The following CEP170B variants were observed in gnomAD, a reference collection of about 807,000 sequenced individuals.
CEP170B encodes centrosomal protein 170B.
In CEP170B, 55 loss-of-function variants were observed where a neutral mutation model predicts 120.6. The ratio of observed to expected loss-of-function variants is 0.46; its 90% CI spans 0.37 to 0.57. The LOEUF (loss-of-function observed/expected upper bound fraction) is 0.57, where lower values mean the gene tolerates loss of function less well. Ranked by LOEUF, CEP170B falls within the 20% of genes least tolerant of loss-of-function variation. The pLI, the probability that CEP170B is intolerant of heterozygous loss-of-function variation, is 0.00. For synonymous variants in CEP170B, 1,033 were observed against 954.5 expected (o/e 1.08, Z -1.52); for missense variants, 2,212 against 2,253.3 (o/e 0.98, Z 0.37).
chr14:104,868,439 G>A lies in CEP170B; in HGVS notation c.-12G>A, dbSNP rs1030695546. The A allele has an allele frequency of 1.2e-5, 19 of 1,547,826 alleles. No homozygotes were observed. The highest frequency in any genetic ancestry group is 2.2e-4 in the Middle Eastern group (1 of 4,610). ...TCTTCCCCAGGGCCAGACGGGCCCA[G>A]CCAGCACCAAGATGAGTGCCACGTC... On this transcript the variant is annotated 5_prime_UTR_variant, in exon 2 of 19. Coordinates refer to ENST00000414716, the MANE Select transcript of CEP170B (RefSeq NM_001112726.3). This position sits in a 1 kb window ranked among gnomAD's most constrained non-coding sequence, Gnocchi z 5.9.
rs368871311 is a variant in CEP170B, at chr14:104,889,665, G to A, written c.3785G>A (p.Arg1262Gln). 1.0e-4 allele frequency: 168 copies of A among 1,611,912 alleles called. No homozygotes were observed. Among genetic ancestry groups the A allele is most frequent in the Middle Eastern group, 1.6e-4 (1 of 6,082 alleles). The change falls in exon 13 of 19, where the codon CGG becomes CAG. Residue 1262 changes from arginine to glutamine, a missense_variant. Coordinates refer to ENST00000414716, the MANE Select transcript of CEP170B (RefSeq NM_001112726.3). ...GGCAGCTCCAGCCGGGCTCGTTCCCGGGCCCCCGGCCCCCGGGACACGGAC... is the reference window on the plus strand; with the variant it reads ...GGCAGCTCCAGCCGGGCTCGTTCCCAGGCCCCCGGCCCCCGGGACACGGAC... ...RAGSSSRARS[R>Q]APGPRDTDDD... is the part of the protein sequence containing the mutation.
In CEP170B at chr14:104,887,971, C is replaced by T. The variant is rs1896614089; in HGVS notation, c.3732C>T (p.Tyr1244=). 1.3e-6 allele frequency: 2 copies of T among 1,508,820 alleles called. No homozygotes were observed. The highest frequency in any genetic ancestry group is 1.8e-6 in the Non-Finnish European group (2 of 1,129,538). The allele number at this position is 1,508,820 out of a possible 1,614,324, so 93.5% of individuals were successfully genotyped here. A position where few individuals can be genotyped will look rare whatever the true frequency, so the allele number is the denominator to read the frequency against. The change falls in exon 12 of 19, where the codon TAC becomes TAT. Residue 1244 remains tyrosine (Y), a synonymous_variant. Transcript: ENST00000414716. Reference sequence around the variant, plus strand: ...GGGCCCGCTCAGGCAGTGCCCGATACACCTCCAGTGAGTGCCAGGGCGGGT... The same window carrying T: ...GGGCCCGCTCAGGCAGTGCCCGATATACCTCCAGTGAGTGCCAGGGCGGGT... ...FSRARSGSAR[Y]TSTTQTPRAG...
At chr14:104,892,563 T>C (rs1896896473) in intron 13 of CEP170B, among the ~76,000 whole-genome samples, 1 of 151,628 alleles carries the variant, frequency 6.6e-6, no homozygotes, top group Admixed American at 6.6e-5. Flanking sequence ...TCAGTTTCTC[T>C]GCCTGCAGAG....
Position 104,887,387 on chromosome 14 carries a change from C to T in CEP170B, c.3148C>T (p.Pro1050Ser). The T allele has an allele frequency of 6.2e-7, 1 of 1,612,154 alleles. No individual in the cohort carries two copies. The highest frequency in any genetic ancestry group is 8.5e-7 in the Non-Finnish European group (1 of 1,179,688). ...GGATTGGCCCAGTGAGGAGCGTGGC[C>T]CTGTCCTCGCCCACCTACCCAGCTC... ...SLDWPSEERG[P>S]VLAHLPSSDV... Residue 1050 changes from proline to serine, a missense_variant, in exon 12 of 19, where the codon CCT becomes TCT. Transcript: ENST00000414716.
chr14:104,883,548 GC>G (rs1566862229), intron 8 of CEP170B, 40 bp downstream of exon 8: 1 of 1,498,150 alleles, frequency 6.7e-7, no homozygotes. Flanking sequence ...CCCGGGACAG[GC>G]AGGGGACCGG....
At chr14:104,864,781 C>A (rs977002136), upstream of CEP170B, among the ~76,000 whole-genome samples, 1 of 152,216 alleles carries the variant, frequency 6.6e-6, no homozygotes, top group Admixed American at 6.5e-5. The surrounding 1 kb of genome is among the most constrained non-coding windows in gnomAD (Gnocchi z 5.9). Context: ...ACCCTGACTC[C>A]TTCACCGTCC....
chr14:104,878,153 C>T (rs987730361), intron 4 of CEP170B, among the ~76,000 whole-genome samples, 190 bp downstream of exon 4: 1 of 152,002 alleles, frequency 6.6e-6, no homozygotes. Context: ...TGCAGCCCGG[C>T]CCCCCGTGGA....
In CEP170B at chr14:104,868,274, G is replaced by A. The variant is rs1895291426; in HGVS notation, c.-27-150G>A. The A allele has an allele frequency of 6.6e-6, 4 of 606,480 alleles. No homozygotes were observed. The Admixed American group carries it at 1.2e-4, about 18-fold the overall frequency. The allele number at this position is 606,480 out of a possible 1,614,324, so 37.6% of individuals were successfully genotyped here. The stretch of plus-strand genomic sequence containing the variant: ...TGGGACTCGGGACCATACCCAGGGA[G>A]GGCGGGTGGCCTGATGAGGCTGGAG... On this transcript the variant is annotated intron_variant, in intron 1 of 18. Transcript: ENST00000414716. This position sits in a 1 kb window ranked among gnomAD's most constrained non-coding sequence, Gnocchi z 5.9.
intron 1 of CEP170B, among the ~76,000 whole-genome samples, chr14:104,866,413 C>T (rs969754340): frequency 6.6e-6 from 1 of 152,082 alleles, no homozygotes; most frequent in African/African-American, 2.4e-5. Context: ...TGTGGTCTCC[C>T]CCAGCAGCCC....
rs146269389 is a variant in CEP170B, at chr14:104,891,983, G to A, written c.3879-993G>A. Reference sequence around the variant, plus strand: ...GGGTGCTGGGGGTGTTTCTCTGGTCGTGCCAGTGTCTGGCGAGGGTTGTGG... The same window carrying A: ...GGGTGCTGGGGGTGTTTCTCTGGTCATGCCAGTGTCTGGCGAGGGTTGTGG... On this transcript the variant is annotated intron_variant, in intron 13 of 18. Coordinates refer to ENST00000414716, the MANE Select transcript of CEP170B (RefSeq NM_001112726.3). This position sits in a 1 kb window ranked among gnomAD's most constrained non-coding sequence, Gnocchi z 4.3. Among the ~76,000 whole-genome samples the A allele has an allele frequency of 7.0e-3, 1,065 of 152,274 alleles. 16 individuals carry two copies. Among genetic ancestry groups the A allele is most frequent in the African/African-American group, 0.024 (1,012 of 41,548 alleles).
In CEP170B at chr14:104,891,416, G is replaced by A. The variant is rs552444598; in HGVS notation, c.3879-1560G>A. On this transcript the variant is annotated intron_variant, in intron 13 of 18. Transcript: ENST00000414716. This position sits in a 1 kb window ranked among gnomAD's most constrained non-coding sequence, Gnocchi z 4.3. Reference sequence around the variant, plus strand: ...TTGAAGCCCATGAGGGACCTGGAAGGAGGTGGCCAGGAGCAGGCGGCCCTT... The same window carrying A: ...TTGAAGCCCATGAGGGACCTGGAAGAAGGTGGCCAGGAGCAGGCGGCCCTT... Among the ~76,000 whole-genome samples the A allele has an allele frequency of 6.6e-6, 1 of 152,242 alleles. No homozygotes were observed. Among genetic ancestry groups the A allele is most frequent in the East Asian group, 1.9e-4 (1 of 5,186 alleles).
At chr14:104,876,735 G>A (rs1249553414) in intron 3 of CEP170B, among the ~76,000 whole-genome samples, 9 of 152,254 alleles carry the variant, frequency 5.9e-5, no homozygotes. Flanking sequence ...GGACCCTGCA[G>A]ATGGGAAGGG....
rs1425045331 is a variant in CEP170B, at chr14:104,891,324, TGGGG to T, written c.3878+1567_3878+1570del. ...TGCAAAGGCAGTCCCTGAAAGGCTG[TGGGG>T]CAGGCAGGGGGGGTCCCAGGACCAG... On this transcript the variant is annotated intron_variant, in intron 13 of 18. Coordinates refer to ENST00000414716, the MANE Select transcript of CEP170B (RefSeq NM_001112726.3). The surrounding 1 kb of genome is among the most constrained non-coding windows in gnomAD (Gnocchi z 4.3). Among the ~76,000 whole-genome samples the T allele has an allele frequency of 8.6e-5, 13 of 151,926 alleles. No individual in the cohort carries two copies. In the East Asian group the frequency reaches 2.5e-3, roughly 29 times the overall value.
Position 104,868,671 on chromosome 14 carries a change from G to A in CEP170B, c.105+116G>A. On this transcript the variant is annotated intron_variant, in intron 2 of 18. Coordinates refer to ENST00000414716, the MANE Select transcript of CEP170B (RefSeq NM_001112726.3). The surrounding 1 kb of genome is among the most constrained non-coding windows in gnomAD (Gnocchi z 5.9). The stretch of plus-strand genomic sequence containing the variant: ...GCCACCCTGGCGAGGAGGCCGCCAT[G>A]CAGCCCAGGCTGGGCCTCTTAACTT... 2 of 1,000,320 alleles carry A rather than the reference G, an allele frequency of 2.0e-6. No homozygotes were observed. Among genetic ancestry groups the A allele is most frequent in the Non-Finnish European group, 2.9e-6 (2 of 686,488 alleles). The allele number at this position is 1,000,320 out of a possible 1,614,324, so 62.0% of individuals were successfully genotyped here.
chr14:104,894,306 G>C lies in CEP170B; in HGVS notation c.4293G>C (p.Gly1431=), dbSNP rs1288113085. The change falls in exon 17 of 19, where the codon GGG becomes GGC. Residue 1431 remains glycine, a synonymous_variant. Coordinates refer to ENST00000414716, the MANE Select transcript of CEP170B (RefSeq NM_001112726.3). ...ACAGGATCCTCTTTCAGAACACAGG[G>C]AGAGCTTGGGAGGACCTGGAAGCCA... The part of the protein sequence containing the change: ...EKMKILFQNT[G]RAWEDLEARI... 7 of 1,613,468 alleles carry C rather than the reference G, an allele frequency of 4.3e-6. No homozygotes were observed. The highest frequency in any genetic ancestry group is 4.2e-6 in the Non-Finnish European group (5 of 1,179,846).
At chr14:104,875,121 G>A (rs546601581) in intron 2 of CEP170B, among the ~76,000 whole-genome samples, 36 of 152,306 alleles carry the variant, frequency 2.4e-4, no homozygotes, top group Middle Eastern at 3.4e-3. Flanking sequence ...TGGCCTGCAC[G>A]TGGCAGGCTA....
chr14:104,880,135 C>A (rs987843200), intron 5 of CEP170B, among the ~76,000 whole-genome samples, 152 bp from the exon 6 acceptor site: 2 of 152,174 alleles, frequency 1.3e-5, no homozygotes, highest in Non-Finnish European at 2.9e-5. Flanking sequence ...CAGGCTGAGG[C>A]TCTGTCTGCT....
chr14:104,890,363 TGAGTGGGTGGGTGGATGGA>T (rs1566873120), intron 13 of CEP170B, among the ~76,000 whole-genome samples: 26 of 108,102 alleles, frequency 2.4e-4, no homozygotes, highest in South Asian at 9.8e-4. Context: ...GATGGATGGA[TGAGTGGGTGGGTGGATGGA>T]TGGATGAGTG....
At position 104,883,106 on chromosome 14, in the gene CEP170B, T is replaced by C; in HGVS notation, c.649T>C (p.Cys217Arg). 6.3e-7 allele frequency: 1 copy of C among 1,586,958 alleles called. No homozygotes were observed. The highest frequency in any genetic ancestry group is 8.5e-7 in the Non-Finnish European group (1 of 1,169,718). ...GFRAPAEPQG[C>R]SFRREPSYFE... ...CCGCGCCCCTGCTGAGCCTCAGGGC[T>C]GCTCGTTCCGGCGGGAGCCCAGCTA... The change falls in exon 8 of 19, where the codon TGC becomes CGC. Residue 217 changes from cysteine to arginine, a missense_variant. Coordinates refer to ENST00000414716, the MANE Select transcript of CEP170B (RefSeq NM_001112726.3).
Sources: gnomAD v4.1 joint callset for allele counts (sites outside exome capture counted in the v4.1 genomes callset) on GRCh38, gnomAD v4.1.1 for gene constraint, Gnocchi (gnomAD v3.1) non-coding constraint, MANE v1.5 for transcripts, NCBI Gene and HGNC (gene_info 2026-07-23, HGNC 2026-07-21) for gene names.